Variants in LMX1A observed in about 807,000 individuals in gnomAD.
The protein encoded by LMX1A is LIM homeobox transcription factor 1 alpha, also known as LIM homeobox transcription factor 1-alpha.
Under a neutral mutation model 49.1 loss-of-function variants are expected in LMX1A, and 15 were observed. The observed-to-expected ratio is 0.31, with a 90% CI of 0.20 to 0.47. LMX1A has a LOEUF of 0.47. Ranked by LOEUF, LMX1A falls within the 20% of genes least tolerant of loss-of-function variation. LMX1A has a pLI of 1.00. For synonymous variants in LMX1A, 167 were observed against 185.7 expected (o/e 0.90, Z 0.82); for missense variants, 372 against 475.8 (o/e 0.78, Z 2.03).
intron 4 of LMX1A, among the ~76,000 whole-genome samples, chr1:165,234,864 A>C (rs1208665849): frequency 6.6e-6 from 1 of 152,244 alleles, no homozygotes; most frequent in Non-Finnish European, 1.5e-5. Flanking sequence ...CATGGTATAG[A>C]GAGTAGGCCA....
chr1:165,354,603 A>T (rs928529804), intron 2 of LMX1A, among the ~76,000 whole-genome samples: 2 of 152,084 alleles, frequency 1.3e-5, no homozygotes, highest in Non-Finnish European at 2.9e-5. Flanking sequence ...GGGTGGGGAG[A>T]TTCCTCACTG....
chr1:165,209,465 C>T (rs1318098488), intron 6 of LMX1A, among the ~76,000 whole-genome samples: 1 of 152,080 alleles, frequency 6.6e-6, no homozygotes, highest in Non-Finnish European at 1.5e-5. Context: ...AACATTCAGC[C>T]CCACCCCCAA....
At chr1:165,251,499 G>C (rs1337110644) in intron 3 of LMX1A, among the ~76,000 whole-genome samples, 1 of 152,096 alleles carries the variant, frequency 6.6e-6, no homozygotes, top group Admixed American at 6.5e-5. Context: ...AATTATCAGG[G>C]TCAGGACTCA....
At chr1:165,254,406 C>T (rs908289378) in intron 3 of LMX1A, among the ~76,000 whole-genome samples, 2 of 152,108 alleles carry the variant, frequency 1.3e-5, no homozygotes, top group Admixed American at 1.3e-4. Context: ...AAGAGTGGGG[C>T]AGTCCTGTTT....
intron 3 of LMX1A, among the ~76,000 whole-genome samples, chr1:165,324,403 G>C (rs577126054): frequency 6.6e-6 from 1 of 152,282 alleles, no homozygotes; most frequent in Admixed American, 6.5e-5. Flanking sequence ...GAGAGCCTTT[G>C]AGTGTCCACA....
intron 3 of LMX1A, among the ~76,000 whole-genome samples, chr1:165,275,230 C>T (rs76522315): frequency 0.099 from 15,144 of 152,206 alleles, 962 homozygotes; most frequent in Non-Finnish European, 0.15. Flanking sequence ...CCGACAGCCC[C>T]GAGTCCTAGG....
chr1:165,261,160 A>G (rs930765222), intron 3 of LMX1A, among the ~76,000 whole-genome samples: 1 of 152,198 alleles, frequency 6.6e-6, no homozygotes, highest in African/African-American at 2.4e-5. Context: ...CTTTCATGTT[A>G]GACTTCAGAT....
At chr1:165,231,468 A>C (rs1381305104) in intron 4 of LMX1A, among the ~76,000 whole-genome samples, 1 of 152,058 alleles carries the variant, frequency 6.6e-6, no homozygotes, top group Non-Finnish European at 1.5e-5. Flanking sequence ...CCACCATGCC[A>C]GGCTAATTTT....
chr1:165,248,259 G>A (rs1240480923), intron 4 of LMX1A, among the ~76,000 whole-genome samples: 4 of 152,146 alleles, frequency 2.6e-5, no homozygotes, highest in Admixed American at 1.3e-4. Context: ...GAGACACAAC[G>A]ACAGGTGCTA....
At chr1:165,212,119 G>C (rs1651426345) in intron 5 of LMX1A, among the ~76,000 whole-genome samples, 1 of 152,216 alleles carries the variant, frequency 6.6e-6, no homozygotes. Context: ...GAAAAAGTGA[G>C]TCTGCAGCTG....
At chr1:165,281,794 A>G (rs1654161212) in intron 3 of LMX1A, among the ~76,000 whole-genome samples, 1 of 151,846 alleles carries the variant, frequency 6.6e-6, no homozygotes, top group Non-Finnish European at 1.5e-5. Context: ...TGTCCTTTCA[A>G]AATGAAGCTA....
chr1:165,249,841 G>A (rs1652993262), intron 3 of LMX1A, among the ~76,000 whole-genome samples: 1 of 152,164 alleles, frequency 6.6e-6, no homozygotes, highest in African/African-American at 2.4e-5. Context: ...GGCTTAAGAA[G>A]GGTGTCTGAC....
intron 4 of LMX1A, among the ~76,000 whole-genome samples, chr1:165,235,360 A>G (rs753627608): frequency 6.6e-6 from 1 of 152,176 alleles, no homozygotes; most frequent in African/African-American, 2.4e-5. Flanking sequence ...CAAAAAATCC[A>G]GGGGACTCTC....
At chr1:165,247,547 C>A (rs1652905132) in intron 4 of LMX1A, among the ~76,000 whole-genome samples, 1 of 152,144 alleles carries the variant, frequency 6.6e-6, no homozygotes, top group Non-Finnish European at 1.5e-5. Context: ...CCAGGAAAAC[C>A]TAAGGCCAAT....
At chr1:165,207,981 C>A in intron 7 of LMX1A, 82 bp downstream of exon 7, 1 of 1,199,650 alleles carries the variant, frequency 8.3e-7, no homozygotes, top group South Asian at 1.3e-5. Flanking sequence ...ATATGTCATC[C>A]AAAGAGCTGG....
At chr1:165,344,047 C>T (rs1041457516) in intron 3 of LMX1A, among the ~76,000 whole-genome samples, 6 of 152,214 alleles carry the variant, frequency 3.9e-5, no homozygotes, top group African/African-American at 1.4e-4. Context: ...AAGATGGGTT[C>T]AGAGCATGAG....
intron 3 of LMX1A, among the ~76,000 whole-genome samples, chr1:165,340,491 T>C (rs1402359261): frequency 6.6e-6 from 1 of 152,172 alleles, no homozygotes; most frequent in Non-Finnish European, 1.5e-5. Flanking sequence ...TCTGATGTTC[T>C]CCCCTGCCTC....
At chr1:165,334,976 C>T (rs1450220569) in intron 3 of LMX1A, among the ~76,000 whole-genome samples, 1 of 152,306 alleles carries the variant, frequency 6.6e-6, no homozygotes, top group Non-Finnish European at 1.5e-5. Context: ...TAATTCTTCC[C>T]GCAAGTCCTG....
intron 4 of LMX1A, among the ~76,000 whole-genome samples, chr1:165,222,951 C>A (rs1240764443): frequency 6.6e-6 from 1 of 152,132 alleles, no homozygotes; most frequent in East Asian, 1.9e-4. Flanking sequence ...AATTACCTAA[C>A]CTTGCCTAGG....
Sources: allele counts gnomAD v4.1 joint callset (sites outside exome capture counted in the v4.1 genomes callset), GRCh38; gene constraint gnomAD v4.1.1; transcripts MANE v1.5; gene names NCBI Gene and HGNC (gene_info 2026-07-23, HGNC 2026-07-21).